POPDC1: variants seen among roughly 807,000 people sequenced by gnomAD.
POPDC1 encodes the protein popeye domain-containing protein 1.
At chr6:105,103,415 A>C in the POPDC1 span, among the ~76,000 whole-genome samples, 1,171 of 152,142 alleles carry the variant, frequency 7.7e-3, 14 homozygotes, top group Non-Finnish European at 0.013. Context: ...TTGTGCTCAA[A>C]TGTGGGTTTG....
chr6:105,135,896 G>T, the POPDC1 span, among the ~76,000 whole-genome samples: 2 of 152,090 alleles, frequency 1.3e-5, no homozygotes, highest in African/African-American at 4.8e-5. Context: ...AAAGAGAAAG[G>T]TTAGACTGCT....
At chr6:105,136,147 T>C in the POPDC1 span, 3 of 152,242 alleles carry the variant, frequency 2.0e-5, no homozygotes, top group African/African-American at 7.2e-5. Context: ...AGTTAATTCA[T>C]TCTGTAATTC....
the POPDC1 span, among the ~76,000 whole-genome samples, chr6:105,115,070 T>TAG: frequency 7.9e-5 from 12 of 152,230 alleles, no homozygotes; most frequent in Admixed American, 1.3e-4. Flanking sequence ...TGTGGACTCT[T>TAG]AGAGTATTCT....
chr6:105,112,939 C>CT, the POPDC1 span, among the ~76,000 whole-genome samples: 130,477 of 147,758 alleles, frequency 0.88, 57,888 homozygotes, highest in Non-Finnish European at 0.93. Context: ...TTTTTCTTTT[C>CT]TTTTTTTTTT....
chr6:105,120,870 A>G, the POPDC1 span, among the ~76,000 whole-genome samples: 1 of 152,192 alleles, frequency 6.6e-6, no homozygotes, highest in African/African-American at 2.4e-5. Flanking sequence ...TTCATATACC[A>G]AACACTAAAA....
the POPDC1 span, among the ~76,000 whole-genome samples, chr6:105,126,992 A>G: frequency 6.6e-6 from 1 of 152,228 alleles, no homozygotes; most frequent in South Asian, 2.1e-4. Context: ...CAGATTCTCC[A>G]AAGCCCAGGT....
At chr6:105,127,341 A>G in the POPDC1 span, among the ~76,000 whole-genome samples, 1 of 152,196 alleles carries the variant, frequency 6.6e-6, no homozygotes, top group African/African-American at 2.4e-5. Context: ...AAGTTCTGAC[A>G]TTCAGAAAAT....
At chr6:105,100,403 G>C in the POPDC1 span, 3 of 152,148 alleles carry the variant, frequency 2.0e-5, no homozygotes, top group East Asian at 1.9e-4. Context: ...CCAGCTACTC[G>C]GGAGGCTGAG....
the POPDC1 span, among the ~76,000 whole-genome samples, chr6:105,130,440 G>A: frequency 6.6e-6 from 1 of 152,292 alleles, no homozygotes; most frequent in African/African-American, 2.4e-5. Flanking sequence ...ACCTGAAGGT[G>A]AATCTAGGGA....
the POPDC1 span, among the ~76,000 whole-genome samples, chr6:105,111,199 T>C: frequency 4.6e-5 from 7 of 152,196 alleles, no homozygotes; most frequent in Admixed American, 3.9e-4. Context: ...AAAATCCAAA[T>C]GATAGGTTAT....
At chr6:105,100,383 G>GGGCA in the POPDC1 span, 2 of 152,194 alleles carry the variant, frequency 1.3e-5, no homozygotes, top group South Asian at 4.2e-4. Flanking sequence ...GGTGGCAGGT[G>GGGCA]CCTGTAGTCC....
chr6:105,126,806 T>C, the POPDC1 span, among the ~76,000 whole-genome samples: 1 of 152,240 alleles, frequency 6.6e-6, no homozygotes, highest in African/African-American at 2.4e-5. Flanking sequence ...CAATCACTGC[T>C]TCACATTTAT....
chr6:105,114,984 T>C, the POPDC1 span, among the ~76,000 whole-genome samples: 1 of 152,344 alleles, frequency 6.6e-6, no homozygotes, highest in South Asian at 2.1e-4. Context: ...AGGCTTTCAC[T>C]CTAACTAAAG....
the POPDC1 span, chr6:105,129,552 TG>T: frequency 6.4e-7 from 1 of 1,556,720 alleles, no homozygotes; most frequent in Non-Finnish European, 8.7e-7. Context: ...AGAGCCTAAG[TG>T]GGGAGCTTAA....
At chr6:105,130,750 G>A in the POPDC1 span, among the ~76,000 whole-genome samples, 1 of 152,088 alleles carries the variant, frequency 6.6e-6, no homozygotes, top group South Asian at 2.1e-4. Flanking sequence ...ATAACACAAT[G>A]GTGAATATTT....
the POPDC1 span, among the ~76,000 whole-genome samples, chr6:105,109,081 G>A: frequency 6.6e-6 from 1 of 152,122 alleles, no homozygotes; most frequent in Non-Finnish European, 1.5e-5. Context: ...AGCCTCTTGA[G>A]TAACTGGGAT....
At chr6:105,116,312 A>C in the POPDC1 span, among the ~76,000 whole-genome samples, 1 of 152,178 alleles carries the variant, frequency 6.6e-6, no homozygotes. Context: ...GAAGATATGC[A>C]AGACTGGAAG....
At chr6:105,108,945 C>T in the POPDC1 span, among the ~76,000 whole-genome samples, 1 of 152,172 alleles carries the variant, frequency 6.6e-6, no homozygotes, top group South Asian at 2.1e-4. Flanking sequence ...AGTAGGGATG[C>T]TAATGTCCTC....
chr6:105,117,286 T>C, the POPDC1 span, among the ~76,000 whole-genome samples: 4 of 152,162 alleles, frequency 2.6e-5, no homozygotes, highest in Admixed American at 2.6e-4. Flanking sequence ...ATGAGGCAAG[T>C]TGTGAAAGAC....
Sources: gnomAD v4.1 joint callset for allele counts (sites outside exome capture counted in the v4.1 genomes callset) on GRCh38, gnomAD v4.1.1 for gene constraint, MANE v1.5 for transcripts, NCBI Gene and HGNC (gene_info 2026-07-23, HGNC 2026-07-21) for gene names.